Variants in TSHR observed in about 807,000 individuals in gnomAD.
The protein encoded by TSHR is thyrotropin receptor.
TSHR carries 51 observed loss-of-function variants against 64.1 expected under a neutral mutation model. That is an observed-to-expected ratio of 0.80 (90% CI 0.64 to 1.01). The LOEUF (loss-of-function observed/expected upper bound fraction) is 1.01. Among genes scored for constraint, TSHR ranks in the 50% least tolerant of loss-of-function variants. The pLI is 0.00. For synonymous variants in TSHR, 361 were observed against 361.9 expected (o/e 1.00, Z 0.03); for missense variants, 877 against 942.8 (o/e 0.93, Z 0.91).
rs1566836021 is a variant in TSHR at position 81,143,893 on chromosome 14, A to T, written c.1835A>T (p.Gln612Leu). Residue 612 changes from glutamine (Q) to leucine (L), a missense_variant, in exon 10 of 10, where the codon CAG becomes CTG. By Grantham distance (113) the Gln-to-Leu change is moderately radical. Coordinates refer to ENST00000298171, the MANE Select transcript of TSHR (RefSeq NM_000369.5). Reference sequence around the variant, plus strand: ...ATCTACATCACAGTCCGAAATCCGCAGTACAACCCAGGGGACAAAGATACC... The same window carrying T: ...ATCTACATCACAGTCCGAAATCCGCTGTACAACCCAGGGGACAAAGATACC... ...VKIYITVRNPQYNPGDKDTKI... is the reference protein window; with the variant it reads ...VKIYITVRNPLYNPGDKDTKI... 1 of 1,614,202 alleles carries T rather than the reference A, an allele frequency of 6.2e-7. No individual in the cohort carries two copies. Among genetic ancestry groups the T allele is most frequent in the Non-Finnish European group, 8.5e-7 (1 of 1,180,048 alleles).
chr14:81,009,286 A>G (rs1889782928), intron 1 of TSHR, among the ~76,000 whole-genome samples: 1 of 152,194 alleles, frequency 6.6e-6, no homozygotes, highest in Admixed American at 6.5e-5. Context: ...GTTTGTCAGT[A>G]TCATCATTTG....
chr14:81,033,857 AG>A (rs1235761494), intron 1 of TSHR, among the ~76,000 whole-genome samples: 2 of 152,230 alleles, frequency 1.3e-5, no homozygotes, highest in Non-Finnish European at 2.9e-5. Flanking sequence ...ATCTGCAGCT[AG>A]GGTAGACAAA....
Position 81,144,104 on chromosome 14 carries a change from C to T in TSHR, c.2046C>T (p.Thr682=), listed in dbSNP as rs775116489. Residue 682 remains threonine (T), a synonymous_variant, in exon 10 of 10, where the codon ACC becomes ACT. Coordinates refer to ENST00000298171, the MANE Select transcript of TSHR (RefSeq NM_000369.5). The stretch of plus-strand genomic sequence containing the variant: ...ATCCATTCCTCTATGCTATTTTCAC[C>T]AAGGCCTTCCAGAGGGATGTGTTCA... ...CANPFLYAIF[T]KAFQRDVFIL... 39 of 1,613,996 alleles carry T rather than the reference C, an allele frequency of 2.4e-5. No homozygotes were observed. In the South Asian group the frequency reaches 3.8e-4, roughly 16 times the overall value.
chr14:81,057,847 G>A (rs1885935539), intron 1 of TSHR, among the ~76,000 whole-genome samples: 1 of 152,224 alleles, frequency 6.6e-6, no homozygotes. Flanking sequence ...CCTCAACTCA[G>A]TACAATTCAG....
intron 8 of TSHR, 33 bp from the exon 9 acceptor site, chr14:81,139,646 C>G: frequency 6.2e-7 from 1 of 1,612,422 alleles, no homozygotes; most frequent in Non-Finnish European, 8.5e-7. Flanking sequence ...CTGCTCACTG[C>G]CTCTCTGCAT....
At chr14:81,030,722 G>T (rs371828883) in intron 1 of TSHR, among the ~76,000 whole-genome samples, 31 of 152,048 alleles carry the variant, frequency 2.0e-4, no homozygotes, top group African/African-American at 7.2e-4. Context: ...CATCCACTTA[G>T]TCTTTTTCAT....
At chr14:81,118,797 G>C (rs372453178) in intron 8 of TSHR, among the ~76,000 whole-genome samples, 8,505 of 149,004 alleles carry the variant, frequency 0.057, 691 homozygotes, top group East Asian at 0.19. Flanking sequence ...GCTACAGTAA[G>C]CAAAACAGCA....
chr14:81,122,529 G>C (rs1890847179), intron 8 of TSHR, among the ~76,000 whole-genome samples: 1 of 152,062 alleles, frequency 6.6e-6, no homozygotes, highest in South Asian at 2.1e-4. Flanking sequence ...ACTGAATATG[G>C]GTTTAACCAA....
At chr14:81,041,699 C>T (rs1884932172) in intron 1 of TSHR, among the ~76,000 whole-genome samples, 1 of 152,042 alleles carries the variant, frequency 6.6e-6, no homozygotes, top group African/African-American at 2.4e-5. Flanking sequence ...TCAATGATAG[C>T]ATATATAAAA....
chr14:81,092,687 G>A (rs1292282446), intron 6 of TSHR, 79 bp downstream of exon 6: 1 of 1,269,176 alleles, frequency 7.9e-7, no homozygotes, highest in Non-Finnish European at 1.2e-6. Flanking sequence ...GACCATCCAA[G>A]AGCCATACTG....
intron 7 of TSHR, among the ~76,000 whole-genome samples, chr14:81,102,471 G>A (rs1018219012): frequency 6.6e-6 from 1 of 152,202 alleles, no homozygotes; most frequent in Admixed American, 6.5e-5. Context: ...ATTTGGAAGA[G>A]TTTAACAAAT....
chr14:80,990,481 G>T (rs937023917), intron 1 of TSHR, among the ~76,000 whole-genome samples: 1 of 152,158 alleles, frequency 6.6e-6, no homozygotes, highest in Non-Finnish European at 1.5e-5. Context: ...AAGGTTCCTC[G>T]GTTGAGTCCA....
chr14:81,094,932 T>C (rs1889053509), intron 6 of TSHR, among the ~76,000 whole-genome samples: 1 of 152,114 alleles, frequency 6.6e-6, no homozygotes, highest in Non-Finnish European at 1.5e-5. Flanking sequence ...ATTTATCACA[T>C]TTTTAGAGAT....
At chr14:80,993,240 T>G (rs947360616) in intron 1 of TSHR, 8 of 152,158 alleles carry the variant, frequency 5.3e-5, no homozygotes, top group Non-Finnish European at 4.4e-5. Context: ...ATCACAGCTG[T>G]TCAACAATGG....
intron 8 of TSHR, among the ~76,000 whole-genome samples, chr14:81,123,500 G>C (rs1167888858): frequency 6.6e-6 from 1 of 152,134 alleles, no homozygotes; most frequent in Non-Finnish European, 1.5e-5. Flanking sequence ...ATAAATATTG[G>C]ATGAATTGTA....
At chr14:81,130,426 T>C (rs1473369804) in intron 8 of TSHR, among the ~76,000 whole-genome samples, 1 of 152,224 alleles carries the variant, frequency 6.6e-6, no homozygotes, top group Admixed American at 6.5e-5. Flanking sequence ...TTGGAATGTA[T>C]TCTTCTTTTG....
At chr14:81,051,525 GT>G (rs1256171354) in intron 1 of TSHR, 1 of 152,108 alleles carries the variant, frequency 6.6e-6, no homozygotes, top group Non-Finnish European at 1.5e-5. Context: ...GAGTGCAGAC[GT>G]TTCTTCAGCT....
chr14:80,981,575 C>T (rs1391877596), intron 1 of TSHR, among the ~76,000 whole-genome samples: 1 of 152,084 alleles, frequency 6.6e-6, no homozygotes, highest in Non-Finnish European at 1.5e-5. Flanking sequence ...TGTGAGCAGG[C>T]TGACATAGGT....
intron 6 of TSHR, chr14:81,093,715 C>T (rs1888936668): frequency 6.6e-6 from 1 of 152,262 alleles, no homozygotes; most frequent in Non-Finnish European, 1.5e-5. Context: ...TGATCCTTCT[C>T]ATCACAACCT....
Sources: allele counts gnomAD v4.1 joint callset (sites outside exome capture counted in the v4.1 genomes callset), GRCh38; gene constraint gnomAD v4.1.1; transcripts MANE v1.5; gene names NCBI Gene and HGNC (gene_info 2026-07-23, HGNC 2026-07-21).